DNAI3: variants seen among roughly 807,000 people sequenced by gnomAD.
DNAI3 encodes dynein axonemal intermediate chain 3, also known as WD repeat domain 63.
DNAI3 carries 83 observed loss-of-function variants against 115.5 expected under a neutral mutation model. That is an observed-to-expected ratio of 0.72 (90% CI 0.60 to 0.86). The LOEUF (loss-of-function observed/expected upper bound fraction) is 0.86. DNAI3 is among the 40% of genes least tolerant of loss of function. The probability of loss-of-function intolerance (pLI) is 0.00; values close to 1 mark genes in which losing one functional copy is unlikely to be tolerated. For synonymous variants in DNAI3, 320 were observed against 347.0 expected, an observed-to-expected ratio of 0.92 and a Z score of 0.86; for missense variants, 1,004 against 1,075.8, an observed-to-expected ratio of 0.93 and a Z score of 0.93.
intron 13 of DNAI3, among the ~76,000 whole-genome samples, chr1:85,103,859 C>T (rs1655402372): frequency 6.7e-6 from 1 of 149,488 alleles, no homozygotes; most frequent in African/African-American, 2.5e-5. Context: ...TGTACTCCAA[C>T]CTGGGGCACA....
At chr1:85,117,648 G>A (rs1655871858) in intron 16 of DNAI3, 81 bp from the exon 17 acceptor site, 6 of 1,567,592 alleles carry the variant, frequency 3.8e-6, no homozygotes, top group Admixed American at 1.7e-5. Flanking sequence ...GGTGGCAAGG[G>A]GCAGAAAATG....
At chr1:85,129,964 C>A (rs1656265475) in intron 21 of DNAI3, 26 bp from the exon 22 acceptor site, 2 of 1,595,368 alleles carry the variant, frequency 1.3e-6, no homozygotes, top group African/African-American at 2.7e-5. Flanking sequence ...GCCTGTCACC[C>A]TCTCATGGAC....
chr1:85,094,055 T>A (rs966597171), intron 9 of DNAI3: 4 of 400,392 alleles, frequency 1.0e-5, no homozygotes, highest in Non-Finnish European at 1.9e-5. Context: ...CCAAGGGAGG[T>A]AGGTAGGGAT....
At chr1:85,102,275 T>C (rs1655350520) in intron 13 of DNAI3, among the ~76,000 whole-genome samples, 1 of 152,116 alleles carries the variant, frequency 6.6e-6, no homozygotes. Flanking sequence ...ATACCCTGAT[T>C]TCATCTTTAA....
At chr1:85,085,729 G>C in intron 6 of DNAI3, 102 bp from the exon 7 acceptor site, 2 of 937,206 alleles carry the variant, frequency 2.1e-6, no homozygotes, top group South Asian at 3.3e-5. Context: ...GGTGCTCACA[G>C]AAAGTGCACA....
intron 16 of DNAI3, among the ~76,000 whole-genome samples, chr1:85,111,847 T>C (rs975688003): frequency 6.6e-6 from 1 of 152,156 alleles, no homozygotes; most frequent in East Asian, 1.9e-4. Context: ...TTGATATGCT[T>C]TGACATATGT....
intron 13 of DNAI3, among the ~76,000 whole-genome samples, chr1:85,100,937 C>G (rs944273829): frequency 6.2e-5 from 9 of 144,360 alleles, no homozygotes; most frequent in African/African-American, 2.1e-4. Flanking sequence ...AACACATGGA[C>G]ACAGGAAGGG....
At chr1:85,094,937 G>A (rs1655082309) in intron 10 of DNAI3, among the ~76,000 whole-genome samples, 1 of 152,218 alleles carries the variant, frequency 6.6e-6, no homozygotes, top group Admixed American at 6.5e-5. Flanking sequence ...GGAGAGCACT[G>A]GGGAGTGGTA....
intron 7 of DNAI3, 102 bp from the exon 8 acceptor site, chr1:85,090,014 C>T: frequency 6.6e-6 from 3 of 451,208 alleles, no homozygotes; most frequent in Non-Finnish European, 1.2e-5. Flanking sequence ...AAAATAATAT[C>T]CTAACATCAT....
chr1:85,072,090 CAAATG>C, intron 2 of DNAI3, 85 bp downstream of exon 2: 2 of 1,247,750 alleles, frequency 1.6e-6, no homozygotes, highest in African/African-American at 1.5e-5. Context: ...TTTTACATAT[CAAATG>C]AAATAAAATA....
chr1:85,085,691 A>G lies in DNAI3; in HGVS notation c.541-140A>G, dbSNP rs773410820. The G allele has an allele frequency of 2.3e-5, 16 of 692,824 alleles. No individual in the cohort carries two copies. The South Asian group carries it at 2.9e-4, about 12-fold the overall frequency. The allele number at this position is 692,824 out of a possible 1,614,324, so 42.9% of individuals were successfully genotyped here. A position where few individuals can be genotyped will look rare whatever the true frequency, so the allele number is the denominator to read the frequency against. On this transcript the variant is annotated intron_variant, in intron 6 of 22. Coordinates refer to ENST00000294664, the MANE Select transcript of DNAI3 (RefSeq NM_145172.5). Reference sequence around the variant, plus strand: ...CAAAGAGGAGGAGCGGGTGCTGCTCATGTGAATGGAAAGCATGCAGAGCTG... The same window carrying G: ...CAAAGAGGAGGAGCGGGTGCTGCTCGTGTGAATGGAAAGCATGCAGAGCTG...
At chr1:85,117,265 C>T (rs1655851067) in intron 16 of DNAI3, among the ~76,000 whole-genome samples, 1 of 152,060 alleles carries the variant, frequency 6.6e-6, no homozygotes, top group Non-Finnish European at 1.5e-5. Context: ...AGTGAATTTA[C>T]AAGAAAAGTC....
chr1:85,091,196 T>C (rs796776718), intron 8 of DNAI3, among the ~76,000 whole-genome samples: 27 of 152,286 alleles, frequency 1.8e-4, no homozygotes, highest in African/African-American at 6.3e-4. Flanking sequence ...CAAAATTTAG[T>C]AGTCATTACA....
chr1:85,080,021 G>T (rs7415384), intron 3 of DNAI3, among the ~76,000 whole-genome samples: 13,039 of 150,728 alleles, frequency 0.087, 827 homozygotes, highest in East Asian at 0.24. Context: ...AGGCTCAAGG[G>T]AAAGTTTCTT....
intron 2 of DNAI3, among the ~76,000 whole-genome samples, chr1:85,072,770 A>G (rs1394637452): frequency 2.0e-5 from 3 of 151,916 alleles, no homozygotes; most frequent in Non-Finnish European, 4.4e-5. Flanking sequence ...CCTGGTTGAC[A>G]CGGTGAAACC....
chr1:85,093,364 A>G (rs1557714526), intron 8 of DNAI3, 94 bp from the exon 9 acceptor site: 1 of 1,081,402 alleles, frequency 9.2e-7, no homozygotes, highest in Non-Finnish European at 1.3e-6. Flanking sequence ...TTTTTTGTTC[A>G]GTATAAATGA....
intron 22 of DNAI3, among the ~76,000 whole-genome samples, chr1:85,132,623 G>C (rs1656371844): frequency 6.6e-6 from 1 of 150,948 alleles, no homozygotes; most frequent in Non-Finnish European, 1.5e-5. Context: ...CCGGAAAAAG[G>C]GACTTTTTTT....
chr1:85,069,727 G>GA (rs1654210434), intron 1 of DNAI3, among the ~76,000 whole-genome samples: 1 of 151,784 alleles, frequency 6.6e-6, no homozygotes, highest in Middle Eastern at 3.2e-3. Flanking sequence ...GGGAAAAAAA[G>GA]AAAGTTTTTC....
At chr1:85,090,793 A>G (rs1383509643) in intron 8 of DNAI3, among the ~76,000 whole-genome samples, 3 of 152,142 alleles carry the variant, frequency 2.0e-5, no homozygotes, top group Admixed American at 6.5e-5. Context: ...TGGGGCTTCT[A>G]AACCAGAGAA....
Sources: gnomAD v4.1 joint callset for allele counts (sites outside exome capture counted in the v4.1 genomes callset) on GRCh38, gnomAD v4.1.1 for gene constraint, MANE v1.5 for transcripts, NCBI Gene and HGNC (gene_info 2026-07-23, HGNC 2026-07-21) for gene names.